Variants in ELMOD2 observed in about 807,000 individuals in gnomAD.
ELMOD2 encodes the protein ELMO domain containing 2, also known as ELMO domain-containing protein 2.
In ELMOD2, 28 loss-of-function variants were observed where a neutral mutation model predicts 41.0. The ratio of observed to expected loss-of-function variants is 0.68; its 90% CI spans 0.51 to 0.94. The LOEUF (loss-of-function observed/expected upper bound fraction) is 0.94, where lower values mean the gene tolerates loss of function less well. ELMOD2 is among the 40% of genes least tolerant of loss of function. The pLI, the probability that ELMOD2 is intolerant of heterozygous loss-of-function variation, is 0.00. For synonymous variants in ELMOD2, 106 were observed against 107.2 expected (o/e 0.99, Z 0.07); for missense variants, 333 against 343.1 (o/e 0.97, Z 0.23).
intron 3 of ELMOD2, chr4:140,527,929 T>C (rs1734623527): frequency 1.3e-5 from 2 of 154,598 alleles, no homozygotes; most frequent in African/African-American, 4.8e-5. Context: ...CAAACTATAA[T>C]AAAATCTCAG....
At position 140,550,606 on chromosome 4, in the gene ELMOD2, C is replaced by T. The variant is rs116430233; in HGVS notation, c.*231C>T. ...CAAAGATCCCCTCTGTAGAGTCATGCGAACTACAGTTTGGAACTTGGGACT... is the reference window on the plus strand; with the variant it reads ...CAAAGATCCCCTCTGTAGAGTCATGTGAACTACAGTTTGGAACTTGGGACT... On this transcript the variant is annotated 3_prime_UTR_variant, in exon 9 of 9. Coordinates refer to ENST00000323570, the MANE Select transcript of ELMOD2 (RefSeq NM_153702.4). 470 of 294,102 alleles carry T rather than the reference C, an allele frequency of 1.6e-3. 2 individuals are homozygous for T. Among genetic ancestry groups the T allele is most frequent in the African/African-American group, 9.2e-3 (417 of 45,362 alleles). The allele number at this position is 294,102 out of a possible 1,614,324, so 18.2% of individuals were successfully genotyped here. A position where few individuals can be genotyped will look rare whatever the true frequency, so the allele number is the denominator to read the frequency against.
chr4:140,532,382 G>T (rs1255665230), intron 3 of ELMOD2, among the ~76,000 whole-genome samples: 1 of 152,020 alleles, frequency 6.6e-6, no homozygotes, highest in Non-Finnish European at 1.5e-5. Context: ...TCCCAGGCTG[G>T]TCTCAAACTC....
At chr4:140,524,631 C>T (rs1352483190) in intron 1 of ELMOD2, 2 of 985,442 alleles carry the variant, frequency 2.0e-6, no homozygotes, top group South Asian at 4.7e-5. Context: ...CTTCGAACTT[C>T]GACAGTCCCT....
chr4:140,531,722 TATAATAAGGGG>T (rs1347203166), intron 3 of ELMOD2, among the ~76,000 whole-genome samples: 1 of 152,208 alleles, frequency 6.6e-6, no homozygotes, highest in Non-Finnish European at 1.5e-5. Flanking sequence ...TCATTCAAAG[TATAATAAGGGG>T]ATTCTATGAA....
chr4:140,539,548 G>A (rs1360235900), intron 5 of ELMOD2, among the ~76,000 whole-genome samples: 2 of 151,990 alleles, frequency 1.3e-5, no homozygotes, highest in Admixed American at 6.6e-5. Flanking sequence ...GGGTTTCACC[G>A]TGTTAGCCAG....
intron 8 of ELMOD2, among the ~76,000 whole-genome samples, chr4:140,549,775 T>A (rs1262903506): frequency 7.6e-6 from 1 of 131,610 alleles, no homozygotes; most frequent in Non-Finnish European, 1.6e-5. Context: ...AGCCCTGACC[T>A]CCTGGGCTCA....
At position 140,542,564 on chromosome 4, in the gene ELMOD2, A is replaced by G; in HGVS notation, c.534-10A>G. On this transcript the variant is annotated splice_polypyrimidine_tract_variant and intron_variant, in intron 6 of 8. Coordinates refer to ENST00000323570, the MANE Select transcript of ELMOD2 (RefSeq NM_153702.4). ...TACATTTGTTTGATTATTTTTCTTAAACTTTTTAGGTATTTCAGTGAAAAT... is the reference window on the plus strand; with the variant it reads ...TACATTTGTTTGATTATTTTTCTTAGACTTTTTAGGTATTTCAGTGAAAAT... 6.3e-7 allele frequency: 1 copy of G among 1,588,028 alleles called. No homozygotes were observed. Among genetic ancestry groups the G allele is most frequent in the Non-Finnish European group, 8.6e-7 (1 of 1,164,386 alleles).
chr4:140,524,493 C>A, intron 1 of ELMOD2: 1 of 653,134 alleles, frequency 1.5e-6, no homozygotes, highest in Non-Finnish European at 1.9e-6. Flanking sequence ...GGCGCCGCTA[C>A]GCGTGCATCC....
chr4:140,543,899 C>G (rs1318455412), intron 8 of ELMOD2, among the ~76,000 whole-genome samples: 2 of 152,074 alleles, frequency 1.3e-5, no homozygotes. Flanking sequence ...CTCTTGGATG[C>G]TGGTTAATGA....
intron 3 of ELMOD2, among the ~76,000 whole-genome samples, chr4:140,530,963 T>C (rs1013696049): frequency 4.6e-5 from 7 of 152,162 alleles, no homozygotes; most frequent in African/African-American, 1.7e-4. Flanking sequence ...AAGCTATTCA[T>C]ACCCACATAG....
At position 140,525,568 on chromosome 4, in the gene ELMOD2, T is replaced by C; in HGVS notation, c.140T>C (p.Ile47Thr). 1.3e-6 allele frequency: 2 copies of C among 1,592,650 alleles called. No homozygotes were observed. Among genetic ancestry groups the C allele is most frequent in the Non-Finnish European group, 1.7e-6 (2 of 1,174,416 alleles). ...TYVGAQRTHRIENSLTYSKNK... is the reference protein window; with the variant it reads ...TYVGAQRTHRTENSLTYSKNK... ...GTAGGTGCACAAAGGACACACAGGA[T>C]AGGTAATGTTATTCAAAAAGAAAAA... Residue 47 changes from isoleucine to threonine, a missense_variant and splice_region_variant, in exon 2 of 9, where the codon ATA becomes ACA. Transcript: ENST00000323570.
At chr4:140,547,462 G>A (rs766380825) in intron 8 of ELMOD2, among the ~76,000 whole-genome samples, 2 of 152,116 alleles carry the variant, frequency 1.3e-5, no homozygotes, top group Non-Finnish European at 1.5e-5. Context: ...TGTATATTCC[G>A]GTCTAGGATG....
chr4:140,540,316 A>C lies in ELMOD2; in HGVS notation c.533+15A>C. 2 of 1,610,492 alleles carry C rather than the reference A, an allele frequency of 1.2e-6. No individual in the cohort carries two copies. The highest frequency in any genetic ancestry group is 1.7e-6 in the Non-Finnish European group (2 of 1,178,642). On this transcript the variant is annotated intron_variant, in intron 6 of 8. Coordinates refer to ENST00000323570, the MANE Select transcript of ELMOD2 (RefSeq NM_153702.4). ...ATCAATCTTGTGTAAGTGAAAGTAA[A>C]CTTTCTTTTCTTCCCTAAATGAAAT...
rs1307844340 is a variant in ELMOD2 at position 140,524,517 on chromosome 4, G to A, written c.-10+237G>A. The A allele has an allele frequency of 4.7e-6, 4 of 857,230 alleles. No homozygotes were observed. In the East Asian group the frequency reaches 4.9e-4, roughly 104 times the overall value. The allele number at this position is 857,230 out of a possible 1,614,324, so 53.1% of individuals were successfully genotyped here. A position where few individuals can be genotyped will look rare whatever the true frequency, so the allele number is the denominator to read the frequency against. ...ACGCGTGCATCCCCTCTGCTCGGCA[G>A]TTCTGCGCTTTTGTCCTAATGAGCG... On this transcript the variant is annotated intron_variant, in intron 1 of 8. Transcript: ENST00000323570.
chr4:140,542,566 C>G lies in ELMOD2; in HGVS notation c.534-8C>G. Reference sequence around the variant, plus strand: ...CATTTGTTTGATTATTTTTCTTAAACTTTTTAGGTATTTCAGTGAAAATTA... The same window carrying G: ...CATTTGTTTGATTATTTTTCTTAAAGTTTTTAGGTATTTCAGTGAAAATTA... On this transcript the variant is annotated splice_polypyrimidine_tract_variant and splice_region_variant and intron_variant, in intron 6 of 8. Transcript: ENST00000323570. 3 of 1,591,504 alleles carry G rather than the reference C, an allele frequency of 1.9e-6. No homozygotes were observed. Among genetic ancestry groups the G allele is most frequent in the African/African-American group, 1.3e-5 (1 of 74,278 alleles).
intron 5 of ELMOD2, 97 bp from the exon 6 acceptor site, chr4:140,540,071 C>T: frequency 2.9e-6 from 4 of 1,397,522 alleles, no homozygotes; most frequent in East Asian, 2.4e-5. Context: ...TTTGCTTAAC[C>T]TATGGTTTTT....
At chr4:140,539,908 A>T (rs1735053029) in intron 5 of ELMOD2, among the ~76,000 whole-genome samples, 1 of 152,186 alleles carries the variant, frequency 6.6e-6, no homozygotes, top group Non-Finnish European at 1.5e-5. Flanking sequence ...AGTTCTGGGC[A>T]TATCTGTATT....
chr4:140,543,955 GA>G (rs1330338622), intron 8 of ELMOD2, among the ~76,000 whole-genome samples: 1 of 151,954 alleles, frequency 6.6e-6, no homozygotes, highest in Non-Finnish European at 1.5e-5. Context: ...TTTACTTTTG[GA>G]AGGAAATTTA....
intron 8 of ELMOD2, among the ~76,000 whole-genome samples, chr4:140,544,363 G>A (rs1406673125): frequency 1.3e-5 from 2 of 152,000 alleles, no homozygotes; most frequent in Non-Finnish European, 2.9e-5. Context: ...CCTAATTCCA[G>A]TTTTGTCTGC....
Sources: gnomAD v4.1 joint callset for allele counts (sites outside exome capture counted in the v4.1 genomes callset) on GRCh38, gnomAD v4.1.1 for gene constraint, MANE v1.5 for transcripts, NCBI Gene and HGNC (gene_info 2026-07-23, HGNC 2026-07-21) for gene names.